PARVB: variants seen among roughly 807,000 people sequenced by gnomAD.
PARVB encodes the protein beta-parvin.
Under a neutral mutation model 47.0 loss-of-function variants are expected in PARVB, and 46 were observed. The observed-to-expected ratio is 0.98, with a 90% CI of 0.77 to 1.25. PARVB has a LOEUF of 1.25. Ranked by LOEUF, PARVB falls within the 50% of genes most tolerant of loss-of-function variation. The pLI is 0.00. For missense variants in PARVB, 473 were observed against 471.6 expected, an observed-to-expected ratio of 1.00 and a Z score of -0.03; for synonymous variants, 196 against 196.3, an observed-to-expected ratio of 1.00 and a Z score of 0.01.
chr22:44,008,082 G>A (rs2050484549), intron 2 of PARVB, among the ~76,000 whole-genome samples: 1 of 152,034 alleles, frequency 6.6e-6, no homozygotes, highest in Non-Finnish European at 1.5e-5. Context: ...TACCTTTAGA[G>A]ACAGGTTTTT....
At chr22:44,020,900 C>T (rs1446505297), upstream of PARVB, among the ~76,000 whole-genome samples, 3 of 152,022 alleles carry the variant, frequency 2.0e-5, no homozygotes, top group African/African-American at 7.3e-5. Context: ...CCTGCCTCAG[C>T]CTCCCAAGTA....
chr22:44,029,208 C>T (rs1477746219), intron 1 of PARVB, among the ~76,000 whole-genome samples: 1 of 152,092 alleles, frequency 6.6e-6, no homozygotes, highest in African/African-American at 2.4e-5. Flanking sequence ...TGCTCTCAAA[C>T]TCCTGGACTC....
intron 1 of PARVB, among the ~76,000 whole-genome samples, chr22:44,059,196 C>T (rs2051375096): frequency 6.6e-6 from 1 of 152,122 alleles, no homozygotes; most frequent in African/African-American, 2.4e-5. Flanking sequence ...CAGACATCCG[C>T]CACCACACCC....
chr22:44,057,519 G>A (rs141749366), intron 1 of PARVB, among the ~76,000 whole-genome samples: 3 of 152,174 alleles, frequency 2.0e-5, no homozygotes, highest in Admixed American at 2.0e-4. Flanking sequence ...CTTGTGACTT[G>A]GCAGGGGTGG....
intron 1 of PARVB, among the ~76,000 whole-genome samples, chr22:44,066,438 T>C (rs1232471081): frequency 2.0e-5 from 3 of 152,240 alleles, no homozygotes; most frequent in African/African-American, 7.2e-5. Context: ...CAGTCTTAAT[T>C]ATCTTAACAA....
intron 2 of PARVB, among the ~76,000 whole-genome samples, chr22:44,002,027 T>C (rs999877727): frequency 2.6e-4 from 39 of 152,154 alleles, no homozygotes; most frequent in African/African-American, 9.4e-4. Context: ...CCAAGCACAG[T>C]GGCGAAGAAT....
At chr22:44,131,376 A>T (rs142535573) in intron 4 of PARVB, 111 bp from the exon 5 acceptor site, 6 of 1,121,286 alleles carry the variant, frequency 5.4e-6, no homozygotes, top group Non-Finnish European at 7.8e-6. Context: ...TCCTGGCCTG[A>T]AGTGATTCAC....
At chr22:44,077,950 A>G (rs1288179333) in intron 1 of PARVB, among the ~76,000 whole-genome samples, 2 of 152,080 alleles carry the variant, frequency 1.3e-5, no homozygotes, top group Non-Finnish European at 2.9e-5. Flanking sequence ...CGCCCACCTC[A>G]GCCTCCCGAA....
At chr22:44,127,560 A>G (rs1483908479) in intron 4 of PARVB, among the ~76,000 whole-genome samples, 1 of 152,328 alleles carries the variant, frequency 6.6e-6, no homozygotes, top group East Asian at 1.9e-4. Flanking sequence ...CGTAGTAGAG[A>G]AGAGGTCTGA....
intron 12 of PARVB, among the ~76,000 whole-genome samples, chr22:44,166,539 G>A (rs2054172271): frequency 6.6e-6 from 1 of 152,246 alleles, no homozygotes; most frequent in South Asian, 2.1e-4. Flanking sequence ...GCCGCTGGAC[G>A]GCACGTTAGG....
intron 1 of PARVB, among the ~76,000 whole-genome samples, chr22:44,038,780 T>G (rs1176310257): frequency 2.0e-5 from 3 of 151,696 alleles, no homozygotes; most frequent in Admixed American, 2.0e-4. Flanking sequence ...AGACTCCATC[T>G]CAAAAACCAA....
intron 1 of PARVB, among the ~76,000 whole-genome samples, chr22:44,051,378 G>C (rs1297995450): frequency 1.3e-5 from 2 of 152,114 alleles, no homozygotes; most frequent in East Asian, 1.9e-4. Flanking sequence ...TGCCATTGTA[G>C]ATAGCCTGTG....
In PARVB at chr22:44,125,463, A is replaced by T. The variant is rs2053166607; in HGVS notation, c.377-6024A>T. Among the ~76,000 whole-genome samples the T allele has an allele frequency of 6.6e-6, 1 of 152,106 alleles. No homozygotes were observed. Among genetic ancestry groups the T allele is most frequent in the Non-Finnish European group, 1.5e-5 (1 of 67,994 alleles). Reference sequence around the variant, plus strand: ...GGAAAGTAATAGAAGGTTATGGGGTACAGTGGTGGGTGGGGGTTGGGGAAG... The same window carrying T: ...GGAAAGTAATAGAAGGTTATGGGGTTCAGTGGTGGGTGGGGGTTGGGGAAG... On this transcript the variant is annotated intron_variant, in intron 4 of 12. Coordinates refer to ENST00000338758, the MANE Select transcript of PARVB (RefSeq NM_013327.5). This position sits in a 1 kb window ranked among gnomAD's most constrained non-coding sequence, Gnocchi z 4.1.
At chr22:44,064,485 C>A (rs778209722) in intron 1 of PARVB, among the ~76,000 whole-genome samples, 3 of 152,222 alleles carry the variant, frequency 2.0e-5, no homozygotes, top group East Asian at 3.9e-4. Flanking sequence ...GGCCAAAGGA[C>A]GTGACCTTGA....
intron 1 of PARVB, 142 bp downstream of exon 1, chr22:44,024,593 C>A (rs1192644090): frequency 6.6e-6 from 2 of 302,694 alleles, no homozygotes; most frequent in Non-Finnish European, 1.1e-5. Context: ...TCGGGACAGG[C>A]CAGGCCTTTG....
chr22:44,056,608 C>T (rs1205004139), intron 1 of PARVB, among the ~76,000 whole-genome samples: 1 of 152,066 alleles, frequency 6.6e-6, no homozygotes, highest in Non-Finnish European at 1.5e-5. Flanking sequence ...TGGGCTTAAG[C>T]AATCCTCCCA....
At chr22:44,044,925 A>G (rs1296725431) in intron 1 of PARVB, among the ~76,000 whole-genome samples, 10 of 152,252 alleles carry the variant, frequency 6.6e-5, no homozygotes, top group African/African-American at 2.4e-4. Context: ...CTATAAGCAC[A>G]CTGACGTTTG....
intron 1 of PARVB, among the ~76,000 whole-genome samples, chr22:44,039,131 C>A (rs568137142): frequency 9.2e-5 from 14 of 152,182 alleles, no homozygotes; most frequent in Non-Finnish European, 1.6e-4. Flanking sequence ...CTCACTCAGG[C>A]TGGAGGGATG....
At chr22:44,168,497 TG>T in intron 12 of PARVB, 104 bp from the exon 13 acceptor site, 1 of 775,262 alleles carries the variant, frequency 1.3e-6, no homozygotes, top group South Asian at 1.5e-5. Flanking sequence ...GCGCTGTGTG[TG>T]GATGCGGCAG....
Sources: allele counts gnomAD v4.1 joint callset (sites outside exome capture counted in the v4.1 genomes callset), GRCh38; gene constraint gnomAD v4.1.1; non-coding constraint Gnocchi (gnomAD v3.1); transcripts MANE v1.5; gene names NCBI Gene and HGNC (gene_info 2026-07-23, HGNC 2026-07-21).